The following ANK3 variants were observed in gnomAD, a reference collection of about 807,000 sequenced individuals.
The protein encoded by ANK3 is ankyrin-3.
Under a neutral mutation model 370.9 loss-of-function variants are expected in ANK3, and 57 were observed. The ratio of observed to expected loss-of-function variants is 0.15; its 90% CI spans 0.12 to 0.19. The LOEUF is 0.19. ANK3 is among the 10% of genes least tolerant of loss of function. The probability of loss-of-function intolerance (pLI) is 1.00; values close to 1 mark genes in which losing one functional copy is unlikely to be tolerated. For missense variants in ANK3, 4,439 were observed against 5,302.1 expected, an observed-to-expected ratio of 0.84 and a Z score of 5.06; for synonymous variants, 1,929 against 1,946.3, an observed-to-expected ratio of 0.99 and a Z score of 0.23.
chr10:60,475,685 G>A (rs7090243), intron 2 of ANK3, among the ~76,000 whole-genome samples: 77,880 of 151,954 alleles, frequency 0.51, 20,288 homozygotes, highest in Middle Eastern at 0.57. Flanking sequence ...CTCCTCAAAG[G>A]AGAGAACATA....
intron 1 of ANK3, among the ~76,000 whole-genome samples, chr10:60,316,688 G>A (rs1346445878): frequency 6.6e-6 from 1 of 152,064 alleles, no homozygotes; most frequent in Non-Finnish European, 1.5e-5. Flanking sequence ...ACCCTGTCTC[G>A]CATATGCCTA....
At chr10:60,498,807 T>C (rs1032002637) in intron 2 of ANK3, among the ~76,000 whole-genome samples, 38 of 152,252 alleles carry the variant, frequency 2.5e-4, no homozygotes, top group Admixed American at 7.9e-4. Flanking sequence ...ATCATTACTA[T>C]TGTATGTCAT....
At chr10:60,214,241 A>G (rs1464465155) in intron 8 of ANK3, among the ~76,000 whole-genome samples, 2 of 152,148 alleles carry the variant, frequency 1.3e-5, no homozygotes, top group Non-Finnish European at 2.9e-5. Context: ...AGGGTTCAGC[A>G]TCAATATTAG....
At chr10:60,218,367 C>A (rs1451038760) in intron 8 of ANK3, among the ~76,000 whole-genome samples, 1 of 129,640 alleles carries the variant, frequency 7.7e-6, no homozygotes, top group East Asian at 2.5e-4. Context: ...ATTCTGTTTC[C>A]TCATAGTTTC....
At chr10:60,217,507 CATA>C (rs1047226347) in intron 8 of ANK3, among the ~76,000 whole-genome samples, 27 of 152,120 alleles carry the variant, frequency 1.8e-4, no homozygotes, top group African/African-American at 6.5e-4. Context: ...GCCTTAATGT[CATA>C]ATGTTTACCC....
intron 2 of ANK3, among the ~76,000 whole-genome samples, chr10:60,408,833 C>T (rs542617208): frequency 6.6e-6 from 1 of 152,154 alleles, no homozygotes; most frequent in East Asian, 1.9e-4. Context: ...CTTCTTCCCC[C>T]CTCCCAAACC....
At chr10:60,325,240 C>G (rs1330863763) in intron 1 of ANK3, among the ~76,000 whole-genome samples, 1 of 152,196 alleles carries the variant, frequency 6.6e-6, no homozygotes, top group Non-Finnish European at 1.5e-5. Flanking sequence ...TGGACCTGTC[C>G]TGCTTCTTGC....
chr10:60,477,784 T>A (rs1660698783), intron 2 of ANK3, among the ~76,000 whole-genome samples: 1 of 151,732 alleles, frequency 6.6e-6, no homozygotes, highest in Admixed American at 6.6e-5. Context: ...GATAATAGAG[T>A]TATTCTAAAA....
At chr10:60,403,074 C>A (rs2063384465) in intron 2 of ANK3, among the ~76,000 whole-genome samples, 1 of 151,942 alleles carries the variant, frequency 6.6e-6, no homozygotes, top group African/African-American at 2.4e-5. Flanking sequence ...CAACTTTATG[C>A]TAATAAATTG....
chr10:60,223,325 C>A (rs1042106429), intron 8 of ANK3, among the ~76,000 whole-genome samples: 6 of 152,330 alleles, frequency 3.9e-5, no homozygotes, highest in Non-Finnish European at 7.3e-5. Flanking sequence ...TAAATTCCCA[C>A]CTTTCCTTGC....
At chr10:60,612,239 C>T (rs2078211122) in intron 2 of ANK3, among the ~76,000 whole-genome samples, 1 of 152,022 alleles carries the variant, frequency 6.6e-6, no homozygotes, top group Admixed American at 6.6e-5. Context: ...TCAGAGCTCT[C>T]ACATCTGAAA....
At chr10:60,566,302 C>A (rs183368643) in intron 2 of ANK3, among the ~76,000 whole-genome samples, 2 of 152,136 alleles carry the variant, frequency 1.3e-5, no homozygotes, top group Admixed American at 6.5e-5. Flanking sequence ...CAAGTAATAA[C>A]CCTACAATGG....
intron 1 of ANK3, among the ~76,000 whole-genome samples, chr10:60,345,923 A>G (rs983519631): frequency 6.6e-6 from 1 of 152,134 alleles, no homozygotes; most frequent in African/African-American, 2.4e-5. Context: ...CAGGAAGTCT[A>G]AAAACTAGTT....
intron 1 of ANK3, among the ~76,000 whole-genome samples, chr10:60,634,121 G>A (rs1588949235): frequency 1.3e-5 from 2 of 152,142 alleles, no homozygotes; most frequent in Admixed American, 1.3e-4. Flanking sequence ...TCTGTATAAT[G>A]GGATATAACA....
At position 60,059,390 on chromosome 10, in the gene ANK3, G is replaced by A. The variant is rs200185980; in HGVS notation, c.12636C>T (p.Cys4212=). 25 of 1,614,036 alleles carry A rather than the reference G, an allele frequency of 1.5e-5. No individual in the cohort carries two copies. The highest frequency in any genetic ancestry group is 1.7e-4 in the Middle Eastern group (1 of 6,060). Residue 4212 remains cysteine, a synonymous_variant, in exon 41 of 44, where the codon TGC becomes TGT. Transcript: ENST00000280772. Reference sequence around the variant, plus strand: ...CACCAGTTACTCTTCGAGCTTGAGCGCAGGACTCTAGGTTTCCACTTGATG... The same window carrying A: ...CACCAGTTACTCTTCGAGCTTGAGCACAGGACTCTAGGTTTCCACTTGATG... ...NETSSGNLES[C]AQARRVTGGL... is the part of the protein sequence containing the mutation.
At chr10:60,204,662 T>C (rs1022187491) in intron 11 of ANK3, among the ~76,000 whole-genome samples, 3 of 152,212 alleles carry the variant, frequency 2.0e-5, no homozygotes, top group African/African-American at 7.2e-5. Flanking sequence ...AAAACTTTAC[T>C]GAATGATCTG....
At position 60,075,341 on chromosome 10, in the gene ANK3, T is replaced by C; in HGVS notation, c.5540A>G (p.Lys1847Arg). Residue 1847 changes from lysine (K) to arginine (R), a missense_variant, in exon 37 of 44, where the codon AAA (lysine) becomes AGA (arginine). Lys to Arg is a conservative substitution (Grantham distance 26, BLOSUM62 2). Transcript: ENST00000280772. The stretch of plus-strand genomic sequence containing the variant: ...GGGTGACAGCAAGGCTGCTGCTGAT[T>C]TTGTAAATGAATTAGAGTCTGGAAG... ...KKLPDSNSFTKSAAALLSPIK... is the reference protein window; with the variant it reads ...KKLPDSNSFTRSAAALLSPIK... 6.2e-7 allele frequency: 1 copy of C among 1,614,128 alleles called. No homozygotes were observed.
intron 2 of ANK3, among the ~76,000 whole-genome samples, chr10:60,523,211 C>T (rs972654156): frequency 6.6e-6 from 1 of 151,942 alleles, no homozygotes; most frequent in African/African-American, 2.4e-5. Context: ...AGTAGTTCGT[C>T]AGAGATACAC....
upstream of ANK3, among the ~76,000 whole-genome samples, chr10:60,390,445 G>A (rs1551684): frequency 0.11 from 16,112 of 152,114 alleles, 951 homozygotes; most frequent in South Asian, 0.14. Context: ...TCACTGAAAT[G>A]CAGATTTGCT....
Sources: gnomAD v4.1 joint callset for allele counts (sites outside exome capture counted in the v4.1 genomes callset) on GRCh38, gnomAD v4.1.1 for gene constraint, MANE v1.5 for transcripts, NCBI Gene and HGNC (gene_info 2026-07-23, HGNC 2026-07-21) for gene names.